Variants in DNAH10 observed in about 807,000 individuals in gnomAD.
DNAH10 encodes the protein dynein axonemal heavy chain 10, also known as axonemal beta dynein heavy chain 10.
DNAH10 carries 348 observed loss-of-function variants against 506.6 expected under a neutral mutation model. The ratio of observed to expected loss-of-function variants is 0.69; its 90% CI spans 0.63 to 0.75. DNAH10 has a LOEUF of 0.75. Among genes scored for constraint, DNAH10 ranks in the 30% least tolerant of loss-of-function variants. The pLI is 0.00. For synonymous variants in DNAH10, 2,059 were observed against 2,198.6 expected (o/e 0.94, Z 1.78); for missense variants, 5,179 against 5,787.1 (o/e 0.89, Z 3.41).
chr12:123,861,671 A>G (rs761423462), intron 39 of DNAH10, among the ~76,000 whole-genome samples: 1 of 152,396 alleles, frequency 6.6e-6, no homozygotes, highest in Non-Finnish European at 1.5e-5. Flanking sequence ...AGGCCAAGTG[A>G]GGCCAAGTAC....
intron 54 of DNAH10, among the ~76,000 whole-genome samples, chr12:123,895,998 A>T (rs944107064): frequency 6.6e-6 from 1 of 151,856 alleles, no homozygotes; most frequent in Non-Finnish European, 1.5e-5. Context: ...CTGTAATCCC[A>T]GCTACTCAGG....
chr12:123,887,415 C>G (rs1952785136), intron 52 of DNAH10, 102 bp downstream of exon 52: 2 of 1,360,204 alleles, frequency 1.5e-6, no homozygotes, highest in Admixed American at 2.7e-5. Flanking sequence ...GTGGGTAGCC[C>G]TGTGCGGGTG....
At chr12:123,843,779 T>C (rs1448763380) in intron 30 of DNAH10, among the ~76,000 whole-genome samples, 4 of 152,218 alleles carry the variant, frequency 2.6e-5, no homozygotes, top group African/African-American at 9.7e-5. Flanking sequence ...GGTTTCGCCA[T>C]GTTGGCCAGG....
chr12:123,819,000 C>T lies in DNAH10; in HGVS notation c.3831C>T (p.Ser1277=), dbSNP rs774171663. Residue 1277 remains serine, a synonymous_variant, in exon 22 of 79, where the codon TCC becomes TCT. Coordinates refer to ENST00000673944, the MANE Select transcript of DNAH10 (RefSeq NM_001372106.1). Reference sequence around the variant, plus strand: ...TTGATAAGATTGAGAGCATATGGTCCAATCTGTTTAATGATTCAGTGAATG... The same window carrying T: ...TTGATAAGATTGAGAGCATATGGTCTAATCTGTTTAATGATTCAGTGAATG... ...ELVDKIESIW[S]NLFNDSVNVE... is the part of the protein sequence containing the mutation. The T allele has an allele frequency of 6.2e-7, 1 of 1,608,348 alleles. No individual in the cohort carries two copies. The highest frequency in any genetic ancestry group is 1.1e-5 in the South Asian group (1 of 89,370).
At chr12:123,857,444 G>C (rs530947474) in intron 37 of DNAH10, among the ~76,000 whole-genome samples, 197 bp downstream of exon 37, 1 of 152,298 alleles carries the variant, frequency 6.6e-6, no homozygotes, top group East Asian at 1.9e-4. Flanking sequence ...TGTAGAGTTT[G>C]TTAGGCCGGG....
rs934471317 is a variant in DNAH10 at position 123,800,326 on chromosome 12, G to A, written c.2400G>A (p.Gln800=). 2 of 1,614,156 alleles carry A rather than the reference G, an allele frequency of 1.2e-6. No homozygotes were observed. ...TTAATGAAACAAAGTACTTAGAGCA[G>A]CTGGGGTTCACTGTCCCTGAATTAG... ...EIINETKYLE[Q]LGFTVPELAR... is the part of the protein sequence containing the mutation. The change falls in exon 15 of 79, where the codon CAG becomes CAA. Residue 800 remains glutamine, a synonymous_variant. Coordinates refer to ENST00000673944, the MANE Select transcript of DNAH10 (RefSeq NM_001372106.1).
At chr12:123,837,074 A>G (rs1009632990) in intron 28 of DNAH10, among the ~76,000 whole-genome samples, 10 of 150,018 alleles carry the variant, frequency 6.7e-5, no homozygotes, top group African/African-American at 2.5e-4. Context: ...GATGGTCTCA[A>G]TCTCCTGACC....
At position 123,919,650 on chromosome 12, in the gene DNAH10, G is replaced by A. The variant is rs1030444352; in HGVS notation, c.11506+701G>A. Among the ~76,000 whole-genome samples the A allele has an allele frequency of 2.6e-5, 4 of 152,076 alleles. No individual in the cohort carries two copies. Among genetic ancestry groups the A allele is most frequent in the Non-Finnish European group, 5.9e-5 (4 of 68,022 alleles). ...CCACTCCTAGTCCCTGGCAGTCACC[G>A]CTCTGCCTTCCATCTGTAAGGATTT... On this transcript the variant is annotated intron_variant, in intron 65 of 78. Coordinates refer to ENST00000673944, the MANE Select transcript of DNAH10 (RefSeq NM_001372106.1). The surrounding 1 kb of genome is among the most constrained non-coding windows in gnomAD (Gnocchi z 4.9).
chr12:123,856,630 C>T (rs1218028660), intron 36 of DNAH10, among the ~76,000 whole-genome samples: 3 of 150,144 alleles, frequency 2.0e-5, no homozygotes, highest in South Asian at 2.1e-4. Context: ...CTGCACCCGG[C>T]CATATATGTG....
In DNAH10 at chr12:123,925,329, A is replaced by G. The variant is rs1332821367; in HGVS notation, c.11921+125A>G. On this transcript the variant is annotated intron_variant, in intron 68 of 78. Transcript: ENST00000673944. The surrounding 1 kb of genome is among the most constrained non-coding windows in gnomAD (Gnocchi z 4.0). Reference sequence around the variant, plus strand: ...GAGACAGCTGTCGCCACCCTGCTGTACAATATTCGATAGCCGATATTCTAG... The same window carrying G: ...GAGACAGCTGTCGCCACCCTGCTGTGCAATATTCGATAGCCGATATTCTAG... 8.1e-7 allele frequency: 1 copy of G among 1,237,260 alleles called. No homozygotes were observed. The highest frequency in any genetic ancestry group is 1.5e-5 in the African/African-American group (1 of 66,608). 76.6% of individuals were successfully genotyped at this position (1,237,260 alleles called of 1,614,324 possible).
chr12:123,867,736 T>G (rs1458317147), intron 42 of DNAH10, 135 bp downstream of exon 42: 2 of 1,397,676 alleles, frequency 1.4e-6, no homozygotes, highest in African/African-American at 1.4e-5. Context: ...GCGGGCGCCG[T>G]GCTTGCTTTT....
intron 51 of DNAH10, among the ~76,000 whole-genome samples, chr12:123,885,919 G>A (rs1952708101): frequency 6.6e-6 from 1 of 151,960 alleles, no homozygotes; most frequent in Non-Finnish European, 1.5e-5. Context: ...TTATTGAGTT[G>A]TGAGAACTCT....
chr12:123,934,485 G>C (rs1410307360), intron 77 of DNAH10, 136 bp from the exon 78 acceptor site: 2 of 1,070,722 alleles, frequency 1.9e-6, no homozygotes, highest in South Asian at 2.8e-5. Context: ...CTGGAGAAGG[G>C]CCTGGGCTGT....
chr12:123,925,400 G>A lies in DNAH10; in HGVS notation c.11921+196G>A. The A allele has an allele frequency of 3.0e-6, 2 of 664,650 alleles. No homozygotes were observed. The highest frequency in any genetic ancestry group is 3.7e-5 in the South Asian group (1 of 26,846). The allele number at this position is 664,650 out of a possible 1,614,324, so 41.2% of individuals were successfully genotyped here. On this transcript the variant is annotated intron_variant, in intron 68 of 78. Transcript: ENST00000673944. The surrounding 1 kb of genome is among the most constrained non-coding windows in gnomAD (Gnocchi z 4.0). The stretch of plus-strand genomic sequence containing the variant: ...CAGTGCTAGTCATAAGAAATTCAGT[G>A]TGAGCCACATATGCAGTTTCGAAAG...
rs1954383883 is a variant in DNAH10 at position 123,914,633 on chromosome 12, A to G, written c.10574+83A>G. 6 of 1,476,198 alleles carry G rather than the reference A, an allele frequency of 4.1e-6. No homozygotes were observed. In the South Asian group the frequency reaches 5.3e-5, roughly 13 times the overall value. The allele number at this position is 1,476,198 out of a possible 1,614,324, so 91.4% of individuals were successfully genotyped here. ...GTGGGTGTCACCCTGGGGGGAGGCA[A>G]TGGCCTGGGGGGCATCACCAGGACC... On this transcript the variant is annotated intron_variant, in intron 61 of 78. Transcript: ENST00000673944.
chr12:123,831,137 T>G (rs1565960717), intron 26 of DNAH10, among the ~76,000 whole-genome samples: 1 of 151,654 alleles, frequency 6.6e-6, no homozygotes, highest in Non-Finnish European at 1.5e-5. Flanking sequence ...TTGCCATTGA[T>G]TTTTAAATAG....
chr12:123,805,838 A>G (rs1021529670), intron 18 of DNAH10, among the ~76,000 whole-genome samples: 7 of 145,378 alleles, frequency 4.8e-5, no homozygotes, highest in African/African-American at 1.5e-4. Flanking sequence ...GTGCAGTGGC[A>G]TGATCTCGGC....
At chr12:123,826,607 C>T in intron 24 of DNAH10, 80 bp from the exon 25 acceptor site, 2 of 1,300,076 alleles carry the variant, frequency 1.5e-6, no homozygotes, top group East Asian at 4.6e-5. Context: ...CTGAACGTGA[C>T]TAAGAGTCAA....
chr12:123,873,993 G>A (rs1952137989), intron 46 of DNAH10, among the ~76,000 whole-genome samples: 1 of 152,138 alleles, frequency 6.6e-6, no homozygotes, highest in Non-Finnish European at 1.5e-5. Flanking sequence ...ATTTGAGGAA[G>A]TGGTTTCCAA....
Sources: gnomAD v4.1 joint callset for allele counts (sites outside exome capture counted in the v4.1 genomes callset) on GRCh38, gnomAD v4.1.1 for gene constraint, Gnocchi (gnomAD v3.1) non-coding constraint, MANE v1.5 for transcripts, NCBI Gene and HGNC (gene_info 2026-07-23, HGNC 2026-07-21) for gene names.